Variants in RIMS2 observed in about 807,000 individuals in gnomAD.
The protein encoded by RIMS2 is regulating synaptic membrane exocytosis 2, also known as regulating synaptic membrane exocytosis protein 2.
In RIMS2, 59 loss-of-function variants were observed where a neutral mutation model predicts 174.4. That is an observed-to-expected ratio of 0.34 (90% CI 0.27 to 0.42). The LOEUF is 0.42. RIMS2 is among the 10% of genes least tolerant of loss of function. The pLI, the probability that RIMS2 is intolerant of heterozygous loss-of-function variation, is 1.00. For missense variants in RIMS2, 1,620 were observed against 1,666.3 expected, an observed-to-expected ratio of 0.97 and a Z score of 0.48; for synonymous variants, 606 against 572.5, an observed-to-expected ratio of 1.06 and a Z score of -0.84.
chr8:103,544,720 G>T (rs2131362909), intron 1 of RIMS2, among the ~76,000 whole-genome samples: 1 of 152,324 alleles, frequency 6.6e-6, no homozygotes, highest in Non-Finnish European at 1.5e-5. Context: ...GCCTGAGGGA[G>T]CCCTGTGCAC....
At chr8:103,942,088 A>G (rs1289694530) in intron 13 of RIMS2, among the ~76,000 whole-genome samples, 3 of 152,102 alleles carry the variant, frequency 2.0e-5, no homozygotes, top group African/African-American at 7.2e-5. Context: ...TTATTTCATT[A>G]CCGAGGTATT....
At chr8:103,557,460 T>C (rs2090698549) in intron 1 of RIMS2, among the ~76,000 whole-genome samples, 1 of 152,180 alleles carries the variant, frequency 6.6e-6, no homozygotes, top group South Asian at 2.1e-4. Flanking sequence ...AAACACAGAG[T>C]AAACATAGTT....
At chr8:103,599,465 A>G (rs2469969) in intron 1 of RIMS2, among the ~76,000 whole-genome samples, 116,129 of 148,986 alleles carry the variant, frequency 0.78, 45,590 homozygotes, top group East Asian at 0.88. Context: ...TTGAGACAAG[A>G]TCTCACTCTG....
At chr8:103,996,765 T>C (rs2095127560) in intron 17 of RIMS2, among the ~76,000 whole-genome samples, 1 of 151,862 alleles carries the variant, frequency 6.6e-6, no homozygotes, top group Non-Finnish European at 1.5e-5. Flanking sequence ...AGTTTATCTG[T>C]CTGTGCAAAA....
intron 1 of RIMS2, among the ~76,000 whole-genome samples, chr8:103,596,896 A>G (rs1040433094): frequency 1.3e-5 from 2 of 152,098 alleles, no homozygotes; most frequent in Admixed American, 6.6e-5. Flanking sequence ...GCTGAGCTCT[A>G]TTGGAAATAA....
chr8:103,627,236 C>T (rs990121935), intron 1 of RIMS2, among the ~76,000 whole-genome samples: 2 of 152,190 alleles, frequency 1.3e-5, no homozygotes, highest in Non-Finnish European at 2.9e-5. Flanking sequence ...CGTTTATAGG[C>T]TCCCTGCAAG....
At chr8:104,017,163 A>T (rs1184942653) in intron 19 of RIMS2, among the ~76,000 whole-genome samples, 1 of 151,936 alleles carries the variant, frequency 6.6e-6, no homozygotes, top group East Asian at 1.9e-4. Flanking sequence ...GATATATAAT[A>T]TCTCTTTTAG....
At chr8:103,971,538 A>G (rs949335400) in intron 15 of RIMS2, among the ~76,000 whole-genome samples, 2 of 151,736 alleles carry the variant, frequency 1.3e-5, no homozygotes, top group African/African-American at 2.4e-5. Flanking sequence ...GTCAACCTTA[A>G]TAAACTTTTC....
intron 4 of RIMS2, among the ~76,000 whole-genome samples, chr8:103,899,676 T>A (rs2099316055): frequency 6.6e-6 from 1 of 151,772 alleles, no homozygotes; most frequent in East Asian, 1.9e-4. Context: ...GGTTGCCTGT[T>A]CACTCTGATG....
intron 20 of RIMS2, among the ~76,000 whole-genome samples, chr8:104,245,789 G>A (rs2099327759): frequency 6.6e-6 from 1 of 152,218 alleles, no homozygotes; most frequent in Admixed American, 6.5e-5. Context: ...GTTTACAGAT[G>A]TGAGGCCGTA....
At chr8:103,511,634 A>C (rs1361130641) in intron 1 of RIMS2, among the ~76,000 whole-genome samples, 1 of 152,220 alleles carries the variant, frequency 6.6e-6, no homozygotes, top group African/African-American at 2.4e-5. Context: ...TGTAAAGATT[A>C]AAAGTAGCTA....
intron 7 of RIMS2, among the ~76,000 whole-genome samples, chr8:103,916,019 G>C (rs1035894674): frequency 1.3e-5 from 2 of 151,820 alleles, no homozygotes; most frequent in African/African-American, 4.8e-5. Context: ...TAATTATTAA[G>C]GTTTTTACAA....
At chr8:104,050,249 A>T (rs980698558) in intron 19 of RIMS2, among the ~76,000 whole-genome samples, 9 of 152,202 alleles carry the variant, frequency 5.9e-5, no homozygotes, top group African/African-American at 2.2e-4. Flanking sequence ...CTAAATATAT[A>T]CGTATCAGGC....
intron 3 of RIMS2, among the ~76,000 whole-genome samples, chr8:103,834,332 CTTTTTTTT>C (rs397892077): frequency 1.0e-4 from 12 of 119,288 alleles, no homozygotes; most frequent in African/African-American, 2.9e-4. Context: ...TTTTCTTTTT[CTTTTTTTT>C]TTTTTTTTTT....
At chr8:103,690,591 A>G (rs748654993) in intron 1 of RIMS2, among the ~76,000 whole-genome samples, 1 of 152,202 alleles carries the variant, frequency 6.6e-6, no homozygotes, top group Non-Finnish European at 1.5e-5. Flanking sequence ...TAAAAATACT[A>G]CACTTAACCT....
chr8:103,908,689 C>T (rs1258142118), intron 4 of RIMS2, among the ~76,000 whole-genome samples: 1 of 152,008 alleles, frequency 6.6e-6, no homozygotes, highest in Non-Finnish European at 1.5e-5. Flanking sequence ...TCTCTCAATC[C>T]CTCTTTTCTT....
chr8:103,634,010 G>A (rs1221302430), intron 1 of RIMS2, among the ~76,000 whole-genome samples: 1 of 152,042 alleles, frequency 6.6e-6, no homozygotes, highest in African/African-American at 2.4e-5. Context: ...TTCGTGTCTT[G>A]ATTTCCCTCA....
At chr8:103,756,558 A>G (rs1056732806) in intron 2 of RIMS2, among the ~76,000 whole-genome samples, 8 of 150,900 alleles carry the variant, frequency 5.3e-5, no homozygotes, top group African/African-American at 1.9e-4. Flanking sequence ...TCTCAGCCCT[A>G]TGGTGGGGTG....
intron 3 of RIMS2, among the ~76,000 whole-genome samples, chr8:103,858,216 G>A (rs977820546): frequency 1.3e-5 from 2 of 152,184 alleles, no homozygotes; most frequent in East Asian, 3.8e-4. Context: ...GCTAAAACAG[G>A]CATGAGACAT....
Sources: allele counts gnomAD v4.1 joint callset (sites outside exome capture counted in the v4.1 genomes callset), GRCh38; gene constraint gnomAD v4.1.1; transcripts MANE v1.5; gene names NCBI Gene and HGNC (gene_info 2026-07-23, HGNC 2026-07-21).